CSMD3: variants seen among roughly 807,000 people sequenced by gnomAD.
CSMD3 encodes CUB and sushi domain-containing protein 3.
A neutral mutation model predicts 435.2 loss-of-function variants in CSMD3; 177 were observed. The observed-to-expected ratio is 0.41, with a 90% CI of 0.36 to 0.46. The LOEUF is 0.46. CSMD3 is among the 20% of genes least tolerant of loss of function. The probability of loss-of-function intolerance (pLI) is 0.34; values close to 1 mark genes in which losing one functional copy is unlikely to be tolerated. For synonymous variants in CSMD3, 1,656 were observed against 1,520.5 expected, an observed-to-expected ratio of 1.09 and a Z score of -2.07; for missense variants, 4,265 against 4,504.6, an observed-to-expected ratio of 0.95 and a Z score of 1.52.
At chr8:113,150,083 A>C (rs1284493666) in intron 4 of CSMD3, among the ~76,000 whole-genome samples, 1 of 151,982 alleles carries the variant, frequency 6.6e-6, no homozygotes, top group African/African-American at 2.4e-5. Flanking sequence ...AATAGGCAGC[A>C]TATCTATAGT....
chr8:113,314,429 T>A (rs986908617), intron 2 of CSMD3, 142 bp downstream of exon 2: 1 of 652,730 alleles, frequency 1.5e-6, no homozygotes, highest in Non-Finnish European at 2.7e-6. Context: ...CATGGGATGA[T>A]ATATTTTCAA....
intron 3 of CSMD3, among the ~76,000 whole-genome samples, chr8:113,218,120 T>A (rs1233703704): frequency 7.2e-6 from 1 of 139,494 alleles, no homozygotes; most frequent in Non-Finnish European, 1.6e-5. Context: ...ATATATATAT[T>A]TTAATATTGG....
At chr8:112,379,120 T>C (rs1301853294) in intron 38 of CSMD3, among the ~76,000 whole-genome samples, 1 of 152,118 alleles carries the variant, frequency 6.6e-6, no homozygotes, top group African/African-American at 2.4e-5. Context: ...TGAAAAATAA[T>C]AAAATACTTT....
At chr8:112,901,237 C>G (rs1022993058) in intron 10 of CSMD3, among the ~76,000 whole-genome samples, 1 of 151,204 alleles carries the variant, frequency 6.6e-6, no homozygotes, top group African/African-American at 2.4e-5. Context: ...AATTGCAGGA[C>G]CATCTTATGA....
At chr8:112,825,437 T>C (rs2079648542) in intron 12 of CSMD3, among the ~76,000 whole-genome samples, 1 of 151,842 alleles carries the variant, frequency 6.6e-6, no homozygotes, top group African/African-American at 2.4e-5. Context: ...TGTTGTTAAT[T>C]CTTTCTCACA....
intron 13 of CSMD3, among the ~76,000 whole-genome samples, chr8:112,761,901 G>A (rs1447477667): frequency 6.6e-6 from 1 of 151,982 alleles, no homozygotes; most frequent in Non-Finnish European, 1.5e-5. Flanking sequence ...TGACTTTACT[G>A]CAACCGAAAA....
intron 9 of CSMD3, among the ~76,000 whole-genome samples, chr8:112,939,670 AT>A (rs1175276753): frequency 6.6e-6 from 1 of 152,094 alleles, no homozygotes; most frequent in Non-Finnish European, 1.5e-5. Context: ...TCTCAGAAGA[AT>A]AAAAATGATA....
At chr8:112,615,796 G>A (rs909130457) in intron 22 of CSMD3, among the ~76,000 whole-genome samples, 1 of 152,066 alleles carries the variant, frequency 6.6e-6, no homozygotes. Flanking sequence ...TGTAACAAAG[G>A]AACGGTGAAA....
chr8:112,463,523 G>A (rs1907801), intron 32 of CSMD3, among the ~76,000 whole-genome samples: 3 of 152,140 alleles, frequency 2.0e-5, no homozygotes, highest in African/African-American at 7.2e-5. Context: ...CTTGCACTTA[G>A]AGCTATGCTG....
intron 3 of CSMD3, among the ~76,000 whole-genome samples, chr8:113,174,778 C>T (rs919442147): frequency 6.6e-6 from 1 of 151,422 alleles, no homozygotes; most frequent in African/African-American, 2.4e-5. Flanking sequence ...GTTATATTAC[C>T]TTTATACTAC....
intron 5 of CSMD3, among the ~76,000 whole-genome samples, chr8:113,026,263 A>C (rs567567343): frequency 1.2e-4 from 19 of 152,206 alleles, no homozygotes; most frequent in Admixed American, 8.5e-4. Context: ...TCATCCCAGC[A>C]GGGGGAACAG....
At chr8:112,940,833 C>A (rs928083531) in intron 9 of CSMD3, among the ~76,000 whole-genome samples, 1 of 151,936 alleles carries the variant, frequency 6.6e-6, no homozygotes, top group Non-Finnish European at 1.5e-5. Context: ...AAGCCATTTA[C>A]TAATACGATG....
At chr8:113,060,999 T>G (rs2088588327) in intron 5 of CSMD3, among the ~76,000 whole-genome samples, 1 of 152,192 alleles carries the variant, frequency 6.6e-6, no homozygotes, top group Non-Finnish European at 1.5e-5. Flanking sequence ...GATCTGACTT[T>G]AAGTAGCTGC....
intron 22 of CSMD3, among the ~76,000 whole-genome samples, chr8:112,597,682 C>T (rs1216867101): frequency 7.5e-6 from 1 of 134,216 alleles, no homozygotes; most frequent in East Asian, 2.1e-4. Flanking sequence ...ATCAAGTGGG[C>T]TTCATCCCTG....
At chr8:113,411,021 AAGAAAGAAAAAG>A (rs2129787396) in intron 1 of CSMD3, among the ~76,000 whole-genome samples, 1 of 151,974 alleles carries the variant, frequency 6.6e-6, no homozygotes, top group South Asian at 2.1e-4. Flanking sequence ...AAGAAAAATA[AAGAAAGAAAAAG>A]AGAAAGAAGA....
intron 4 of CSMD3, among the ~76,000 whole-genome samples, chr8:113,112,386 C>CATAT (rs56256676): frequency 2.3e-4 from 17 of 74,948 alleles, no homozygotes; most frequent in Non-Finnish European, 2.9e-4. Flanking sequence ...CCCAATAAAA[C>CATAT]ATATATATAT....
chr8:112,994,030 G>A (rs2085552660), intron 6 of CSMD3, among the ~76,000 whole-genome samples: 1 of 151,758 alleles, frequency 6.6e-6, no homozygotes, highest in Non-Finnish European at 1.5e-5. Context: ...AGAATGGGTT[G>A]TAGAGAGGCA....
At chr8:112,747,535 G>A (rs2077460847) in intron 13 of CSMD3, among the ~76,000 whole-genome samples, 1 of 151,946 alleles carries the variant, frequency 6.6e-6, no homozygotes, top group Non-Finnish European at 1.5e-5. Context: ...GGCATTGTCT[G>A]CAAAAACTTT....
intron 11 of CSMD3, among the ~76,000 whole-genome samples, chr8:112,842,400 A>C (rs1205487241): frequency 6.6e-6 from 1 of 151,748 alleles, no homozygotes; most frequent in Non-Finnish European, 1.5e-5. Context: ...AATGTATGAG[A>C]GTGTGTGTTA....
Sources: allele counts gnomAD v4.1 joint callset (sites outside exome capture counted in the v4.1 genomes callset), GRCh38; gene constraint gnomAD v4.1.1; transcripts MANE v1.5; gene names NCBI Gene and HGNC (gene_info 2026-07-23, HGNC 2026-07-21).